CD2AP: variants seen among roughly 807,000 people sequenced by gnomAD.
The protein encoded by CD2AP is CD2-associated protein.
CD2AP carries 46 observed loss-of-function variants against 85.1 expected under a neutral mutation model. The ratio of observed to expected loss-of-function variants is 0.54; its 90% CI spans 0.43 to 0.69. The LOEUF (loss-of-function observed/expected upper bound fraction) is 0.69, where lower values mean the gene tolerates loss of function less well. Ranked by LOEUF, CD2AP falls within the 30% of genes least tolerant of loss-of-function variation. The pLI, the probability that CD2AP is intolerant of heterozygous loss-of-function variation, is 0.00. For missense variants in CD2AP, 769 were observed against 729.5 expected (o/e 1.05, Z -0.62); for synonymous variants, 255 against 252.9 (o/e 1.01, Z -0.08).
intron 2 of CD2AP, among the ~76,000 whole-genome samples, chr6:47,529,472 C>T (rs1050104855): frequency 5.3e-5 from 8 of 152,068 alleles, no homozygotes; most frequent in African/African-American, 1.9e-4. Context: ...GTGTCCTGTC[C>T]AGGGATGGTT....
At chr6:47,494,812 A>G (rs930052955) in intron 1 of CD2AP, among the ~76,000 whole-genome samples, 1 of 152,184 alleles carries the variant, frequency 6.6e-6, no homozygotes, top group Admixed American at 6.5e-5. Context: ...TTTTATCCTC[A>G]AAAAAGGTAT....
At chr6:47,537,117 C>T (rs1335074745) in intron 3 of CD2AP, among the ~76,000 whole-genome samples, 1 of 152,164 alleles carries the variant, frequency 6.6e-6, no homozygotes, top group Non-Finnish European at 1.5e-5. Flanking sequence ...GTTTATACTG[C>T]AAGGGATGAT....
In CD2AP at chr6:47,537,620, TAATAC is replaced by T. The variant is rs574175207; in HGVS notation, c.319+3867_319+3871del. Among the ~76,000 whole-genome samples, 25 of 152,280 alleles carry T rather than the reference TAATAC, an allele frequency of 1.6e-4. No individual in the cohort carries two copies. The South Asian group carries it at 5.2e-3, about 32-fold the overall frequency. On this transcript the variant is annotated intron_variant, in intron 3 of 17. Coordinates refer to ENST00000359314, the MANE Select transcript of CD2AP (RefSeq NM_012120.3). The stretch of plus-strand genomic sequence containing the variant: ...ATCAGTTGAAAGTATGCTACAGACA[TAATAC>T]ATTACCTCTGATCACATTATCTTTT...
chr6:47,601,731 AAATAT>A (rs1332521497), intron 13 of CD2AP, among the ~76,000 whole-genome samples: 2 of 152,026 alleles, frequency 1.3e-5, no homozygotes, highest in Non-Finnish European at 2.9e-5. Context: ...ATACAGCCTC[AAATAT>A]AATGTGTGAA....
At chr6:47,542,898 C>T (rs902894752) in intron 3 of CD2AP, among the ~76,000 whole-genome samples, 39 of 151,936 alleles carry the variant, frequency 2.6e-4, no homozygotes, top group Non-Finnish European at 5.1e-4. Context: ...CGCCTGTAAT[C>T]CTAGCACTTT....
intron 2 of CD2AP, among the ~76,000 whole-genome samples, chr6:47,527,097 A>G (rs146867264): frequency 4.6e-3 from 455 of 98,636 alleles, no homozygotes; most frequent in Middle Eastern, 0.029. Context: ...TTTTTCCAAA[A>G]TAAAAGACTC....
intron 2 of CD2AP, among the ~76,000 whole-genome samples, chr6:47,515,225 CTA>C (rs988178703): frequency 4.0e-5 from 6 of 151,866 alleles, no homozygotes; most frequent in African/African-American, 1.2e-4. Context: ...GGATTTAAGA[CTA>C]AAAGCATGGG....
At chr6:47,536,557 T>C (rs995270780) in intron 3 of CD2AP, among the ~76,000 whole-genome samples, 4 of 152,324 alleles carry the variant, frequency 2.6e-5, no homozygotes, top group Non-Finnish European at 5.9e-5. Flanking sequence ...TGAGCTATTC[T>C]TCTCTAGTCT....
intron 12 of CD2AP, among the ~76,000 whole-genome samples, chr6:47,598,072 A>T (rs887149238): frequency 6.6e-6 from 1 of 151,070 alleles, no homozygotes; most frequent in East Asian, 1.9e-4. Context: ...AAACAATCCC[A>T]TCAGAAACTG....
chr6:47,584,377 G>T (rs189632351), intron 11 of CD2AP, among the ~76,000 whole-genome samples: 83 of 149,676 alleles, frequency 5.5e-4, no homozygotes, highest in Non-Finnish European at 9.5e-4. Flanking sequence ...GATTCATTTT[G>T]AGTTAATTTT....
chr6:47,556,442 A>G (rs1811596), intron 5 of CD2AP, among the ~76,000 whole-genome samples: 91,559 of 151,288 alleles, frequency 0.61, 28,494 homozygotes, highest in Middle Eastern at 0.74. Context: ...TGTTGCCCAG[A>G]CTAGGAGCGA....
At chr6:47,599,732 G>A (rs1022250484) in intron 13 of CD2AP, among the ~76,000 whole-genome samples, 3 of 151,992 alleles carry the variant, frequency 2.0e-5, no homozygotes, top group African/African-American at 4.8e-5. Flanking sequence ...TGGAATGACT[G>A]TACTACCCAA....
chr6:47,539,660 T>C (rs908338291), intron 3 of CD2AP, among the ~76,000 whole-genome samples: 3 of 152,184 alleles, frequency 2.0e-5, no homozygotes, highest in African/African-American at 7.2e-5. Context: ...TTTTTCTCAT[T>C]GGTAAATGAG....
intron 1 of CD2AP, among the ~76,000 whole-genome samples, chr6:47,479,222 G>C (rs917670667): frequency 5.3e-5 from 8 of 152,282 alleles, no homozygotes; most frequent in African/African-American, 1.9e-4. Context: ...AGCAAATCAG[G>C]AGGACCCTAT....
At chr6:47,559,257 ATT>A (rs76704002) in intron 5 of CD2AP, among the ~76,000 whole-genome samples, 31 of 130,576 alleles carry the variant, frequency 2.4e-4, no homozygotes, top group African/African-American at 3.6e-4. Flanking sequence ...GTTTCGTGCA[ATT>A]TTTTTTTTTT....
At chr6:47,501,267 T>C (rs1278196221) in intron 1 of CD2AP, among the ~76,000 whole-genome samples, 1 of 152,194 alleles carries the variant, frequency 6.6e-6, no homozygotes, top group African/African-American at 2.4e-5. Context: ...TCATGCTTAT[T>C]TGAAAACCAT....
intron 17 of CD2AP, among the ~76,000 whole-genome samples, chr6:47,621,220 G>T (rs1173019811): frequency 6.6e-6 from 1 of 152,108 alleles, no homozygotes; most frequent in African/African-American, 2.4e-5. Context: ...TATATCCCTT[G>T]TATGCCAGTT....
chr6:47,582,947 T>A (rs1208379131), intron 11 of CD2AP, among the ~76,000 whole-genome samples: 1 of 152,032 alleles, frequency 6.6e-6, no homozygotes, highest in African/African-American at 2.4e-5. Context: ...CACGCCCGGC[T>A]AATTTTTTGT....
rs534444098 is a variant in CD2AP, at chr6:47,626,795, T to C, written c.*2568T>C. On this transcript the variant is annotated 3_prime_UTR_variant, in exon 18 of 18. Transcript: ENST00000359314. ...TTTATGCTTGCATTTAAACTTGAAATGTATGAGCAGAATGAGACAATCAGT... is the reference window on the plus strand; with the variant it reads ...TTTATGCTTGCATTTAAACTTGAAACGTATGAGCAGAATGAGACAATCAGT... 4 of 152,586 alleles carry C rather than the reference T, an allele frequency of 2.6e-5. No individual in the cohort carries two copies. In the South Asian group the frequency reaches 6.2e-4, roughly 24 times the overall value. The allele number at this position is 152,586 out of a possible 1,614,324, so 9.5% of individuals were successfully genotyped here. A position where few individuals can be genotyped will look rare whatever the true frequency, so the allele number is the denominator to read the frequency against.
Sources: gnomAD v4.1 joint callset for allele counts (sites outside exome capture counted in the v4.1 genomes callset) on GRCh38, gnomAD v4.1.1 for gene constraint, MANE v1.5 for transcripts, NCBI Gene and HGNC (gene_info 2026-07-23, HGNC 2026-07-21) for gene names.